The following SMARCC1 variants were observed in gnomAD, a reference collection of about 807,000 sequenced individuals.
SMARCC1 encodes SWI/SNF complex subunit SMARCC1.
SMARCC1 carries 43 observed loss-of-function variants against 147.4 expected under a neutral mutation model. That is an observed-to-expected ratio of 0.29 (90% CI 0.23 to 0.38). The LOEUF (loss-of-function observed/expected upper bound fraction) is 0.38. SMARCC1 is among the 10% of genes least tolerant of loss of function. SMARCC1 has a pLI of 1.00. For missense variants in SMARCC1, 1,119 were observed against 1,381.1 expected (o/e 0.81, Z 3.01); for synonymous variants, 495 against 484.4 (o/e 1.02, Z -0.29).
chr3:47,745,232 G>A (rs1028160230), intron 3 of SMARCC1, among the ~76,000 whole-genome samples: 1 of 151,800 alleles, frequency 6.6e-6, no homozygotes, highest in Non-Finnish European at 1.5e-5. Flanking sequence ...ACTCCAGCCT[G>A]GGCGAAAAAG....
chr3:47,746,715 T>C (rs1034545102), intron 2 of SMARCC1, among the ~76,000 whole-genome samples: 1 of 148,490 alleles, frequency 6.7e-6, no homozygotes, highest in African/African-American at 2.5e-5. Context: ...GAGCAGTGGC[T>C]CACATCAGTA....
At chr3:47,657,040 G>A (rs1208414033) in intron 21 of SMARCC1, among the ~76,000 whole-genome samples, 3 of 152,150 alleles carry the variant, frequency 2.0e-5, no homozygotes, top group Non-Finnish European at 4.4e-5. Context: ...AGGACATTCT[G>A]TAAAAGATAA....
At chr3:47,758,693 A>G (rs2034733459) in intron 2 of SMARCC1, among the ~76,000 whole-genome samples, 1 of 152,156 alleles carries the variant, frequency 6.6e-6, no homozygotes, top group African/African-American at 2.4e-5. Flanking sequence ...ACTATCTAGA[A>G]TATTTACTAT....
At chr3:47,754,491 G>A (rs1247834517) in intron 2 of SMARCC1, among the ~76,000 whole-genome samples, 3 of 152,104 alleles carry the variant, frequency 2.0e-5, no homozygotes, top group Non-Finnish European at 4.4e-5. Flanking sequence ...GTGAGCCACG[G>A]CTCCTGGCCT....
At position 47,635,243 on chromosome 3, in the gene SMARCC1, T is replaced by G. The variant is rs757401249; in HGVS notation, c.2593A>C (p.Asn865His). The change falls in exon 24 of 28, where the codon AAT becomes CAT. Residue 865 changes from asparagine (N) to histidine (H), a missense_variant. Physicochemically the swap from Asn to His is moderately conservative, Grantham distance 68. This residue lies in a region of SMARCC1 where 157 missense variants were observed against 158.6 expected (regional missense o/e 0.99). Transcript: ENST00000254480. Reference sequence around the variant, plus strand: ...GCAGCTGCTGCGGCTGTGGCAACATTTCCTTCGGAAATTTCATGTTCTACT... The same window carrying G: ...GCAGCTGCTGCGGCTGTGGCAACATGTCCTTCGGAAATTTCATGTTCTACT... ...KKVEHEISEGNVATAAAAALA... is the reference protein window; with the variant it reads ...KKVEHEISEGHVATAAAAALA... 5 of 1,613,870 alleles carry G rather than the reference T, an allele frequency of 3.1e-6. No homozygotes were observed. Among genetic ancestry groups the G allele is most frequent in the Admixed American group, 1.7e-5 (1 of 60,000 alleles).
At position 47,661,174 on chromosome 3, in the gene SMARCC1, G is replaced by T. The variant is rs2033341020; in HGVS notation, c.2320+120C>A. The T allele has an allele frequency of 1.2e-5, 9 of 748,362 alleles. No individual in the cohort carries two copies. The South Asian group carries it at 2.7e-4, about 22-fold the overall frequency. 46.4% of individuals were successfully genotyped at this position (748,362 alleles called of 1,614,324 possible). On this transcript the variant is annotated intron_variant, in intron 21 of 27. Coordinates refer to ENST00000254480, the MANE Select transcript of SMARCC1 (RefSeq NM_003074.4). ...AAAAAATCATGTACTAATCTTAAAA[G>T]ACAAGTTTATACTGATCATTGTACT...
intron 26 of SMARCC1, among the ~76,000 whole-genome samples, chr3:47,593,154 T>C (rs1333016184): frequency 6.7e-6 from 1 of 149,558 alleles, no homozygotes; most frequent in East Asian, 2.0e-4. Context: ...GAGTAATAAA[T>C]TAAGAAGAAT....
intron 25 of SMARCC1, chr3:47,610,600 G>T: frequency 4.2e-6 from 2 of 473,972 alleles, no homozygotes; most frequent in South Asian, 2.2e-5. Context: ...CTGCTCTTTG[G>T]GCTCACTTGG....
chr3:47,668,152 A>C (rs2033447572), intron 19 of SMARCC1, among the ~76,000 whole-genome samples: 1 of 152,220 alleles, frequency 6.6e-6, no homozygotes, highest in African/African-American at 2.4e-5. Flanking sequence ...TTATATCAAC[A>C]GAATTTCAAA....
chr3:47,735,427 G>A (rs1481700585), intron 5 of SMARCC1, among the ~76,000 whole-genome samples: 3 of 152,144 alleles, frequency 2.0e-5, no homozygotes, highest in Non-Finnish European at 2.9e-5. Context: ...GGGCGAGGCT[G>A]GAGGATGACT....
In SMARCC1 at chr3:47,675,464, A is replaced by C. The variant is rs2033556584; in HGVS notation, c.1839+11T>G. On this transcript the variant is annotated intron_variant, in intron 18 of 27. Coordinates refer to ENST00000254480, the MANE Select transcript of SMARCC1 (RefSeq NM_003074.4). ...GCTGGATTGCAGCCCATGTGTGATT[A>C]GAAAAATTACCTTTGCTAATGTTTT... 3 of 1,403,678 alleles carry C rather than the reference A, an allele frequency of 2.1e-6. No homozygotes were observed. Among genetic ancestry groups the C allele is most frequent in the Non-Finnish European group, 3.0e-6 (3 of 988,672 alleles). The allele number at this position is 1,403,678 out of a possible 1,614,324, so 87.0% of individuals were successfully genotyped here. A position where few individuals can be genotyped will look rare whatever the true frequency, so the allele number is the denominator to read the frequency against.
chr3:47,772,765 A>T, intron 2 of SMARCC1, 52 bp downstream of exon 2: 2 of 1,515,726 alleles, frequency 1.3e-6, no homozygotes, highest in African/African-American at 2.8e-5. Context: ...GCTACACCTA[A>T]AAGTATACAG....
rs917945765 is a variant in SMARCC1, at chr3:47,777,430, T to C, written c.195+4173A>G. ...AATATAGGCCGGGTGCAGTGGCTCA[T>C]GACTGTAATCCCAGTACTTTGGGAG... On this transcript the variant is annotated intron_variant, in intron 1 of 27. Transcript: ENST00000254480. Among the ~76,000 whole-genome samples the C allele has an allele frequency of 3.8e-4, 58 of 152,036 alleles. 1 individual carries two copies. Among genetic ancestry groups the C allele is most frequent in the African/African-American group, 3.6e-4 (15 of 41,556 alleles).
chr3:47,745,568 C>A (rs2034555615), intron 3 of SMARCC1, among the ~76,000 whole-genome samples: 1 of 151,842 alleles, frequency 6.6e-6, no homozygotes, highest in African/African-American at 2.4e-5. Flanking sequence ...GAAAAATTAG[C>A]CAGGCATGGT....
chr3:47,698,495 C>A (rs564753814), intron 11 of SMARCC1, among the ~76,000 whole-genome samples: 1 of 151,634 alleles, frequency 6.6e-6, no homozygotes, highest in Admixed American at 6.6e-5. Flanking sequence ...CAAAAAAGTG[C>A]CAGAATACAT....
At chr3:47,622,854 T>C (rs2032754447) in intron 24 of SMARCC1, among the ~76,000 whole-genome samples, 1 of 152,148 alleles carries the variant, frequency 6.6e-6, no homozygotes, top group South Asian at 2.1e-4. Context: ...TCCAAGTCCA[T>C]AGCTGGAAAA....
intron 11 of SMARCC1, among the ~76,000 whole-genome samples, chr3:47,699,509 C>T (rs2033892664): frequency 1.3e-5 from 2 of 152,094 alleles, no homozygotes; most frequent in African/African-American, 2.4e-5. Context: ...GTATTCTTAA[C>T]TGCCCTGTAT....
At chr3:47,740,235 G>T (rs545887917) in intron 3 of SMARCC1, among the ~76,000 whole-genome samples, 16 of 114,364 alleles carry the variant, frequency 1.4e-4, no homozygotes, top group African/African-American at 5.1e-4. Context: ...TCGCCCTGTC[G>T]TCCAGACTGG....
intron 6 of SMARCC1, among the ~76,000 whole-genome samples, chr3:47,727,198 G>C (rs998899402): frequency 6.8e-6 from 1 of 147,250 alleles, no homozygotes; most frequent in African/African-American, 2.5e-5. Flanking sequence ...GGGTGACACA[G>C]CAAGACTCCA....
Sources: gnomAD v4.1 joint callset for allele counts (sites outside exome capture counted in the v4.1 genomes callset) on GRCh38, gnomAD v4.1.1 for gene constraint, gnomAD v4.1.1 regional missense constraint, MANE v1.5 for transcripts, NCBI Gene and HGNC (gene_info 2026-07-23, HGNC 2026-07-21) for gene names.